The following ME3 variants were observed in gnomAD, a reference collection of about 807,000 sequenced individuals.
ME3 encodes the protein NADP-dependent malic enzyme, mitochondrial.
Under a neutral mutation model 68.9 loss-of-function variants are expected in ME3, and 48 were observed. The ratio of observed to expected loss-of-function variants is 0.70; its 90% confidence interval spans 0.55 to 0.89. ME3 has a LOEUF of 0.89. ME3 is among the 40% of genes least tolerant of loss of function. The pLI is 0.00. For missense variants in ME3, 675 were observed against 797.4 expected, an observed-to-expected ratio of 0.85 and a Z score of 1.85; for synonymous variants, 320 against 318.8, an observed-to-expected ratio of 1.00 and a Z score of -0.04.
At chr11:86,624,091 A>T (rs763576390) in intron 2 of ME3, among the ~76,000 whole-genome samples, 26 of 152,140 alleles carry the variant, frequency 1.7e-4, no homozygotes, top group Non-Finnish European at 3.4e-4. Flanking sequence ...TTGAGGTCGG[A>T]AGTTTAATAT....
chr11:86,609,744 A>T (rs1233837573), intron 2 of ME3, among the ~76,000 whole-genome samples: 1 of 152,248 alleles, frequency 6.6e-6, no homozygotes, highest in Non-Finnish European at 1.5e-5. Flanking sequence ...ATAGCAAAAA[A>T]TTGGGAACAA....
chr11:86,499,572 C>T (rs1222073780), intron 5 of ME3, among the ~76,000 whole-genome samples: 1 of 152,184 alleles, frequency 6.6e-6, no homozygotes, highest in Non-Finnish European at 1.5e-5. Flanking sequence ...AGTTTATGAT[C>T]TGGTACCCAA....
At chr11:86,533,259 C>G (rs1221592195) in intron 4 of ME3, among the ~76,000 whole-genome samples, 1 of 151,588 alleles carries the variant, frequency 6.6e-6, no homozygotes, top group Non-Finnish European at 1.5e-5. Flanking sequence ...AAACCCTTAG[C>G]TATACTATGA....
rs1284732733 is a variant in ME3 at position 86,539,665 on chromosome 11, T to C, written c.467+16888A>G. 2.0e-5 allele frequency among the ~76,000 whole-genome samples: 3 copies of C among 152,148 alleles called. No homozygotes were observed. In the East Asian group the frequency reaches 5.8e-4, roughly 29 times the overall value. On this transcript the variant is annotated intron_variant, in intron 4 of 14. Transcript: ENST00000543262. ...GATATAGGGAAGAACAATGCACAGC[T>C]CCTCCTCTCCTATAGCTTGTTTCAG...
chr11:86,583,984 A>G (rs897335402), intron 2 of ME3, among the ~76,000 whole-genome samples: 1 of 152,214 alleles, frequency 6.6e-6, no homozygotes, highest in Non-Finnish European at 1.5e-5. Context: ...TCAAACTAAA[A>G]TGCCTCTGCA....
intron 4 of ME3, among the ~76,000 whole-genome samples, chr11:86,526,223 C>T (rs1225159698): frequency 3.9e-5 from 6 of 152,226 alleles, no homozygotes; most frequent in Non-Finnish European, 8.8e-5. Context: ...GAGATTATAT[C>T]CCGTGCATGG....
At chr11:86,661,225 C>G (rs539627105) in intron 2 of ME3, among the ~76,000 whole-genome samples, 82 of 152,234 alleles carry the variant, frequency 5.4e-4, no homozygotes, top group South Asian at 1.0e-3. Context: ...ACTACAAATG[C>G]TACATGCCAA....
intron 4 of ME3, among the ~76,000 whole-genome samples, chr11:86,530,942 G>C (rs1955179217): frequency 6.6e-6 from 1 of 152,206 alleles, no homozygotes; most frequent in African/African-American, 2.4e-5. Context: ...GCATGTGCAA[G>C]GACTTCATGT....
chr11:86,560,748 G>GTATATATATATATATATATATATA (rs142056305), intron 2 of ME3, among the ~76,000 whole-genome samples: 36 of 62,482 alleles, frequency 5.8e-4, no homozygotes, highest in African/African-American at 1.8e-3. Context: ...GTGTGTGTGT[G>GTATATATATATATATATATATATA]TATATATATA....
intron 2 of ME3, among the ~76,000 whole-genome samples, chr11:86,657,640 C>T (rs1327368162): frequency 1.3e-5 from 2 of 152,212 alleles, no homozygotes; most frequent in East Asian, 3.9e-4. Flanking sequence ...GATAATGCAG[C>T]CCTGCAGTTC....
intron 6 of ME3, among the ~76,000 whole-genome samples, chr11:86,495,494 G>A (rs1320810987): frequency 6.6e-6 from 1 of 152,190 alleles, no homozygotes; most frequent in Non-Finnish European, 1.5e-5. Flanking sequence ...CTTGCCTAAG[G>A]CCAGCTTTTA....
intron 2 of ME3, among the ~76,000 whole-genome samples, chr11:86,606,029 C>G (rs952323572): frequency 6.6e-6 from 1 of 152,152 alleles, no homozygotes; most frequent in Admixed American, 6.5e-5. Context: ...TGCATCCCTT[C>G]TAGTGAAGTA....
intron 2 of ME3, among the ~76,000 whole-genome samples, chr11:86,641,260 A>G (rs934261248): frequency 6.6e-6 from 1 of 152,224 alleles, no homozygotes; most frequent in African/African-American, 2.4e-5. Context: ...ACATAACTCA[A>G]GACAGAAATG....
intron 7 of ME3, among the ~76,000 whole-genome samples, chr11:86,475,508 T>C (rs1163882722): frequency 1.3e-5 from 2 of 152,100 alleles, no homozygotes; most frequent in African/African-American, 4.8e-5. Context: ...GGAACTAATA[T>C]ATTTGTATTG....
At chr11:86,435,413 G>A in the ME3 span, 1 of 152,222 alleles carries the variant, frequency 6.6e-6, no homozygotes, top group South Asian at 2.1e-4. Flanking sequence ...TCCAGAGAGG[G>A]AGGAGTCCTC....
chr11:86,449,623 A>C (rs1048629328), intron 10 of ME3, among the ~76,000 whole-genome samples: 39 of 152,188 alleles, frequency 2.6e-4, no homozygotes, highest in African/African-American at 9.4e-4. Context: ...GGAAACTATG[A>C]TTTAATGTGG....
intron 6 of ME3, among the ~76,000 whole-genome samples, chr11:86,495,085 C>G (rs1386754325): frequency 6.6e-6 from 1 of 152,144 alleles, no homozygotes; most frequent in Non-Finnish European, 1.5e-5. Flanking sequence ...ACTTATAAAG[C>G]AACAGAAATT....
intron 4 of ME3, among the ~76,000 whole-genome samples, chr11:86,544,324 T>C (rs539447987): frequency 2.0e-5 from 3 of 151,410 alleles, no homozygotes; most frequent in South Asian, 4.2e-4. Flanking sequence ...CTGAAGGAGA[T>C]AGAGACACAA....
intron 2 of ME3, among the ~76,000 whole-genome samples, chr11:86,664,608 G>A (rs185480107): frequency 6.6e-6 from 1 of 152,208 alleles, no homozygotes; most frequent in Admixed American, 6.5e-5. Context: ...GGTTTCCTTT[G>A]ACTTTTATAG....
Sources: allele counts gnomAD v4.1 joint callset (sites outside exome capture counted in the v4.1 genomes callset), GRCh38; gene constraint gnomAD v4.1.1; transcripts MANE v1.5; gene names NCBI Gene and HGNC (gene_info 2026-07-23, HGNC 2026-07-21).